RABGAP1L: variants seen among roughly 807,000 people sequenced by gnomAD.
RABGAP1L encodes rab GTPase-activating protein 1-like.
A neutral mutation model predicts 137.7 loss-of-function variants in RABGAP1L; 63 were observed. The observed-to-expected ratio is 0.46, with a 90% CI of 0.37 to 0.56. The LOEUF (loss-of-function observed/expected upper bound fraction) is 0.56. Ranked by LOEUF, RABGAP1L falls within the 20% of genes least tolerant of loss-of-function variation. The pLI is 0.00. For synonymous variants in RABGAP1L, 431 were observed against 433.7 expected, an observed-to-expected ratio of 0.99 and a Z score of 0.08; for missense variants, 1,095 against 1,244.0, an observed-to-expected ratio of 0.88 and a Z score of 1.80.
chr1:174,523,400 G>A (rs1663595794), intron 13 of RABGAP1L, among the ~76,000 whole-genome samples: 1 of 151,812 alleles, frequency 6.6e-6, no homozygotes, highest in Admixed American at 6.6e-5. Flanking sequence ...GACTATGCAG[G>A]GAAGAGGGAA....
chr1:174,442,771 A>G lies in RABGAP1L; in HGVS notation c.1710+48626A>G, dbSNP rs1178330323. ...TCTTCCAGTTATTTTGTAATATACAATAAATTGTTAACTATAATCTCCCCA... is the reference window on the plus strand; with the variant it reads ...TCTTCCAGTTATTTTGTAATATACAGTAAATTGTTAACTATAATCTCCCCA... On this transcript the variant is annotated intron_variant, in intron 13 of 25. Coordinates refer to ENST00000681986, the MANE Select transcript of RABGAP1L (RefSeq NM_001366446.1). 3.3e-5 allele frequency among the ~76,000 whole-genome samples: 5 copies of G among 152,164 alleles called. No individual in the cohort carries two copies. In the East Asian group the frequency reaches 9.6e-4, roughly 29 times the overall value.
chr1:174,334,188 C>T (rs554887537), intron 11 of RABGAP1L, among the ~76,000 whole-genome samples: 7 of 152,288 alleles, frequency 4.6e-5, no homozygotes, highest in African/African-American at 9.6e-5. Context: ...CAGGAAATGA[C>T]GGATACCCGA....
intron 13 of RABGAP1L, among the ~76,000 whole-genome samples, chr1:174,555,790 C>T (rs1035245740): frequency 2.6e-5 from 4 of 151,742 alleles, no homozygotes; most frequent in South Asian, 2.1e-4. Flanking sequence ...GGTAGAGAAC[C>T]GAGAGTGAAA....
chr1:174,603,216 T>C (rs1325801242), intron 13 of RABGAP1L, among the ~76,000 whole-genome samples: 1 of 152,178 alleles, frequency 6.6e-6, no homozygotes, highest in Admixed American at 6.5e-5. Context: ...CTTGTCAAGA[T>C]CACCTTGATG....
At chr1:174,526,863 A>G (rs1485925291) in intron 13 of RABGAP1L, among the ~76,000 whole-genome samples, 1 of 151,540 alleles carries the variant, frequency 6.6e-6, no homozygotes, top group Non-Finnish European at 1.5e-5. Context: ...CCTTTCTACC[A>G]ATTTGTGGTT....
chr1:174,531,592 G>A (rs1336693657), intron 13 of RABGAP1L, among the ~76,000 whole-genome samples: 1 of 152,096 alleles, frequency 6.6e-6, no homozygotes, highest in Non-Finnish European at 1.5e-5. Flanking sequence ...CACCAGCCAG[G>A]GGCAGCTGGT....
chr1:174,484,321 C>T (rs958256883), intron 13 of RABGAP1L, among the ~76,000 whole-genome samples: 7 of 152,070 alleles, frequency 4.6e-5, no homozygotes, highest in African/African-American at 1.2e-4. Context: ...TCAGATGGGT[C>T]GTTTGCAGAT....
chr1:174,972,853 C>CA (rs373159573), intron 21 of RABGAP1L, among the ~76,000 whole-genome samples: 11,891 of 52,746 alleles, frequency 0.23, 3,477 homozygotes, highest in Non-Finnish European at 0.3. Context: ...GACTCTGTCT[C>CA]AAAAAAAAAA....
At chr1:174,289,201 C>T (rs761389258) in intron 10 of RABGAP1L, among the ~76,000 whole-genome samples, 20 of 152,200 alleles carry the variant, frequency 1.3e-4, no homozygotes, top group Non-Finnish European at 2.5e-4. Context: ...CCACACCCAC[C>T]TAATTTTTTA....
intron 13 of RABGAP1L, among the ~76,000 whole-genome samples, chr1:174,420,629 A>G (rs1476238195): frequency 6.7e-6 from 1 of 150,084 alleles, no homozygotes; most frequent in Non-Finnish European, 1.5e-5. Context: ...TATGCCTTTT[A>G]TGCTGCTTAG....
At chr1:174,878,029 A>G (rs1558180725) in intron 19 of RABGAP1L, among the ~76,000 whole-genome samples, 1 of 152,216 alleles carries the variant, frequency 6.6e-6, no homozygotes, top group Non-Finnish European at 1.5e-5. Context: ...AAGAAGAACT[A>G]TTAGGAAAAT....
intron 18 of RABGAP1L, among the ~76,000 whole-genome samples, chr1:174,771,045 T>G (rs1686074095): frequency 6.6e-6 from 1 of 152,168 alleles, no homozygotes; most frequent in African/African-American, 2.4e-5. Flanking sequence ...TAGTAAACAT[T>G]TTCCAAAGGT....
chr1:174,168,792 T>C (rs967328663), intron 1 of RABGAP1L, among the ~76,000 whole-genome samples: 3 of 152,246 alleles, frequency 2.0e-5, no homozygotes, highest in Non-Finnish European at 4.4e-5. Flanking sequence ...TAGAAAATTT[T>C]TCAGCATGAA....
intron 19 of RABGAP1L, among the ~76,000 whole-genome samples, chr1:174,882,132 A>T (rs1654338588): frequency 6.6e-6 from 1 of 152,148 alleles, no homozygotes; most frequent in East Asian, 1.9e-4. Context: ...GAGTGCTGAG[A>T]TTACATCAAT....
rs2149403822 is a variant in RABGAP1L at position 174,991,862 on chromosome 1, A to G, written c.*1861A>G. On this transcript the variant is annotated 3_prime_UTR_variant, in exon 26 of 26. Coordinates refer to ENST00000681986, the MANE Select transcript of RABGAP1L (RefSeq NM_001366446.1). Reference sequence around the variant, plus strand: ...TGTAAATCATTTAGTATAGGCTGTTAGCTTTACTGGTACTTTACGCTTTGA... The same window carrying G: ...TGTAAATCATTTAGTATAGGCTGTTGGCTTTACTGGTACTTTACGCTTTGA... 1 of 149,228 alleles carries G rather than the reference A, an allele frequency of 6.7e-6. No individual in the cohort carries two copies. Among genetic ancestry groups the G allele is most frequent in the East Asian group, 2.0e-4 (1 of 5,044 alleles). The allele number at this position is 149,228 out of a possible 1,614,324, so 9.2% of individuals were successfully genotyped here.
intron 18 of RABGAP1L, among the ~76,000 whole-genome samples, chr1:174,774,202 TA>T (rs1193498819): frequency 1.3e-5 from 2 of 152,244 alleles, no homozygotes; most frequent in African/African-American, 4.8e-5. Flanking sequence ...TTTTATCTTT[TA>T]TTGCTTTTCC....
At chr1:174,660,306 C>A (rs941277343) in intron 14 of RABGAP1L, among the ~76,000 whole-genome samples, 2 of 152,158 alleles carry the variant, frequency 1.3e-5, no homozygotes, top group African/African-American at 4.8e-5. Context: ...ATAAGCCCAG[C>A]ACAGACTGTG....
At chr1:174,589,554 T>C (rs556431664) in intron 13 of RABGAP1L, among the ~76,000 whole-genome samples, 1 of 152,288 alleles carries the variant, frequency 6.6e-6, no homozygotes, top group South Asian at 2.1e-4. Context: ...CTTTGAGAGT[T>C]TCCTTAATGT....
chr1:174,604,349 A>T (rs1670627286), intron 13 of RABGAP1L, among the ~76,000 whole-genome samples: 1 of 152,184 alleles, frequency 6.6e-6, no homozygotes, highest in African/African-American at 2.4e-5. Flanking sequence ...GCAAAGTCCC[A>T]CAATCACTGT....
Sources: allele counts gnomAD v4.1 joint callset (sites outside exome capture counted in the v4.1 genomes callset), GRCh38; gene constraint gnomAD v4.1.1; transcripts MANE v1.5; gene names NCBI Gene and HGNC (gene_info 2026-07-23, HGNC 2026-07-21).